Variants in EIF4E observed in about 807,000 individuals in gnomAD.
The protein encoded by EIF4E is eukaryotic translation initiation factor 4E.
For synonymous variants in EIF4E, 71 were observed against 88.5 expected, an observed-to-expected ratio of 0.80 and a Z score of 1.11; for missense variants, 113 against 265.6, an observed-to-expected ratio of 0.43 and a Z score of 3.99.
intron 1 of EIF4E, among the ~76,000 whole-genome samples, chr4:98,902,652 G>C (rs554098533): frequency 6.6e-6 from 1 of 152,106 alleles, no homozygotes; most frequent in South Asian, 2.1e-4. Context: ...ATATGGTACT[G>C]AAGGGGGTAT....
At chr4:98,911,855 G>C (rs1326361090) in intron 1 of EIF4E, among the ~76,000 whole-genome samples, 1 of 150,316 alleles carries the variant, frequency 6.7e-6, no homozygotes, top group Non-Finnish European at 1.5e-5. Flanking sequence ...ACAGACACAA[G>C]AAATAACAGA....
chr4:98,892,961 TTATA>T (rs1724218237), intron 2 of EIF4E, among the ~76,000 whole-genome samples: 1 of 152,126 alleles, frequency 6.6e-6, no homozygotes. Flanking sequence ...ACCTAACATA[TTATA>T]TATAGAGGCA....
intron 1 of EIF4E, among the ~76,000 whole-genome samples, chr4:98,902,993 A>C (rs2110200477): frequency 6.6e-6 from 1 of 152,362 alleles, no homozygotes; most frequent in Non-Finnish European, 1.5e-5. Context: ...AATGGAACCT[A>C]ACAAGATGGA....
chr4:98,922,850 C>CTTTTTTTTTTTTTTTTTTT (rs112293850), intron 1 of EIF4E, among the ~76,000 whole-genome samples: 1 of 136,704 alleles, frequency 7.3e-6, no homozygotes, highest in African/African-American at 2.7e-5. Context: ...TTTCTTTTTT[C>CTTTTTTTTTTTTTTTTTTT]TTTTTTTTTT....
chr4:98,881,890 A>T (rs1480722584), intron 6 of EIF4E, among the ~76,000 whole-genome samples: 2 of 152,220 alleles, frequency 1.3e-5, no homozygotes, highest in Non-Finnish European at 2.9e-5. Flanking sequence ...TATAACAAGG[A>T]GATTCTAATC....
chr4:98,892,161 A>G (rs573946996), intron 2 of EIF4E, among the ~76,000 whole-genome samples: 43 of 151,668 alleles, frequency 2.8e-4, no homozygotes, highest in African/African-American at 9.9e-4. Flanking sequence ...AGCCTGATCA[A>G]CATGGAGAAA....
intron 1 of EIF4E, among the ~76,000 whole-genome samples, chr4:98,908,101 G>T (rs1243742531): frequency 1.3e-5 from 2 of 152,096 alleles, no homozygotes; most frequent in African/African-American, 4.8e-5. Flanking sequence ...ACTACCTAGG[G>T]TATGCTCTCT....
chr4:98,912,351 T>A (rs1433627544), intron 1 of EIF4E, among the ~76,000 whole-genome samples: 1 of 150,156 alleles, frequency 6.7e-6, no homozygotes, highest in Non-Finnish European at 1.5e-5. Flanking sequence ...CCAACACGGG[T>A]GGATCATGAG....
chr4:98,917,051 A>G (rs2110217074), intron 1 of EIF4E, among the ~76,000 whole-genome samples: 1 of 150,966 alleles, frequency 6.6e-6, no homozygotes, highest in African/African-American at 2.4e-5. Context: ...GCTATGATTA[A>G]AATGCCTATT....
At chr4:98,902,825 G>A (rs1049418914) in intron 1 of EIF4E, among the ~76,000 whole-genome samples, 2 of 152,008 alleles carry the variant, frequency 1.3e-5, no homozygotes, top group Non-Finnish European at 2.9e-5. Flanking sequence ...GGGCAACACG[G>A]CAAGACCCTG....
At chr4:98,891,167 T>A in intron 3 of EIF4E, 70 bp downstream of exon 3, 1 of 1,531,436 alleles carries the variant, frequency 6.5e-7, no homozygotes, top group Non-Finnish European at 9.0e-7. Context: ...ATTTTGTGAA[T>A]TCGACTTAAA....
chr4:98,918,568 C>G (rs1348126873), intron 1 of EIF4E, among the ~76,000 whole-genome samples: 1 of 151,734 alleles, frequency 6.6e-6, no homozygotes. Flanking sequence ...GTCAAAACAT[C>G]TACTTTATAG....
At chr4:98,923,943 G>C (rs1340688144) in intron 1 of EIF4E, among the ~76,000 whole-genome samples, 5 of 152,162 alleles carry the variant, frequency 3.3e-5, no homozygotes, top group Non-Finnish European at 7.4e-5. Flanking sequence ...AGCTGACTTA[G>C]AAATTTCAGT....
In EIF4E at chr4:98,880,245, GA is replaced by G. The variant is rs1367528038; in HGVS notation, c.*782del. 1 of 142,866 alleles carries G rather than the reference GA, an allele frequency of 7.0e-6. No individual in the cohort carries two copies. The highest frequency in any genetic ancestry group is 2.6e-5 in the African/African-American group (1 of 38,074). The allele number at this position is 142,866 out of a possible 1,614,324, so 8.8% of individuals were successfully genotyped here. A position where few individuals can be genotyped will look rare whatever the true frequency, so the allele number is the denominator to read the frequency against. On this transcript the variant is annotated 3_prime_UTR_variant, in exon 7 of 7. Coordinates refer to ENST00000450253, the MANE Select transcript of EIF4E (RefSeq NM_001968.5). ...TAATTCTAGTTAGGAATGTAATTAT[GA>G]TGTTACATTTTTTATAATCCACAAT...
intron 6 of EIF4E, among the ~76,000 whole-genome samples, chr4:98,881,467 T>C (rs1025247978): frequency 7.9e-5 from 12 of 152,128 alleles, no homozygotes; most frequent in Admixed American, 5.2e-4. Context: ...GTAAGGACAG[T>C]CCCTGAGCTG....
intron 1 of EIF4E, among the ~76,000 whole-genome samples, chr4:98,914,983 G>A (rs757199461): frequency 5.3e-5 from 8 of 152,162 alleles, no homozygotes; most frequent in Non-Finnish European, 1.0e-4. Context: ...CCGCTCTGAT[G>A]CCCAGGCTGG....
chr4:98,922,128 T>C (rs928524288), intron 1 of EIF4E, among the ~76,000 whole-genome samples: 2 of 152,196 alleles, frequency 1.3e-5, no homozygotes, highest in South Asian at 4.1e-4. Flanking sequence ...ACATGCCTAC[T>C]TGAAAGAGTG....
At chr4:98,888,774 G>T (rs564275912) in intron 3 of EIF4E, among the ~76,000 whole-genome samples, 121 of 152,256 alleles carry the variant, frequency 7.9e-4, no homozygotes, top group African/African-American at 2.9e-3. Context: ...CAGAAATAAT[G>T]ATCTTAGCTG....
chr4:98,912,207 G>A (rs1023532630), intron 1 of EIF4E, among the ~76,000 whole-genome samples: 3 of 149,252 alleles, frequency 2.0e-5, no homozygotes, highest in East Asian at 2.0e-4. Context: ...AGCCAAGATC[G>A]CGCCACTGCA....
Sources: gnomAD v4.1 joint callset for allele counts (sites outside exome capture counted in the v4.1 genomes callset) on GRCh38, gnomAD v4.1.1 for gene constraint, MANE v1.5 for transcripts, NCBI Gene and HGNC (gene_info 2026-07-23, HGNC 2026-07-21) for gene names.